NEGR1: variants seen among roughly 807,000 people sequenced by gnomAD.
NEGR1 encodes neuronal growth regulator 1, also known as IgLON family member 4.
In NEGR1, 10 loss-of-function variants were observed where a neutral mutation model predicts 40.9. The ratio of observed to expected loss-of-function variants is 0.24; its 90% CI spans 0.15 to 0.42. The LOEUF is 0.42. NEGR1 is among the 10% of genes least tolerant of loss of function. NEGR1 has a pLI of 1.00. For synonymous variants in NEGR1, 185 were observed against 166.8 expected, an observed-to-expected ratio of 1.11 and a Z score of -0.84; for missense variants, 352 against 438.9, an observed-to-expected ratio of 0.80 and a Z score of 1.77.
At chr1:71,567,725 G>A (rs931789369) in intron 6 of NEGR1, among the ~76,000 whole-genome samples, 7 of 152,036 alleles carry the variant, frequency 4.6e-5, no homozygotes, top group Admixed American at 6.6e-5. Flanking sequence ...TCCCCCCTCC[G>A]CCTCAAATTT....
intron 5 of NEGR1, among the ~76,000 whole-genome samples, chr1:71,593,739 C>A (rs1649584893): frequency 6.6e-6 from 1 of 152,130 alleles, no homozygotes; most frequent in South Asian, 2.1e-4. Context: ...GCATGTTGTA[C>A]CTACTTCTGC....
At chr1:71,838,993 T>A (rs1034488194) in intron 2 of NEGR1, among the ~76,000 whole-genome samples, 2 of 152,084 alleles carry the variant, frequency 1.3e-5, no homozygotes, top group Admixed American at 1.3e-4. Context: ...AACTTGAAGT[T>A]CTTATAGTAA....
chr1:72,272,081 T>C (rs1178150687), intron 1 of NEGR1, among the ~76,000 whole-genome samples: 2 of 151,894 alleles, frequency 1.3e-5, no homozygotes, highest in Non-Finnish European at 2.9e-5. Context: ...AATTTTTCAG[T>C]TATGTAATAA....
At chr1:72,084,565 G>T (rs1450271109) in intron 1 of NEGR1, among the ~76,000 whole-genome samples, 2 of 151,990 alleles carry the variant, frequency 1.3e-5, no homozygotes, top group Middle Eastern at 3.2e-3. Context: ...TTCCATGAGG[G>T]CTGGGATTTT....
intron 2 of NEGR1, among the ~76,000 whole-genome samples, chr1:71,795,119 G>A (rs748124442): frequency 6.6e-6 from 1 of 151,880 alleles, no homozygotes; most frequent in African/African-American, 2.4e-5. Context: ...ATCACACACT[G>A]CTGAAAACAA....
rs1272942325 is a variant in NEGR1, at chr1:71,396,886, A to C, written c.*10560T>G. 1 of 153,776 alleles carries C rather than the reference A, an allele frequency of 6.5e-6. No individual in the cohort carries two copies. Among genetic ancestry groups the C allele is most frequent in the South Asian group, 2.0e-4 (1 of 4,894 alleles). 9.5% of individuals were successfully genotyped at this position (153,776 alleles called of 1,614,324 possible). The stretch of plus-strand genomic sequence containing the variant: ...GTCTTTATCAGCAGTGTGAAAACTG[A>C]CTAATATAGTAAATTAGTATCAGGA... On this transcript the variant is annotated 3_prime_UTR_variant, in exon 7 of 7. Coordinates refer to ENST00000357731, the MANE Select transcript of NEGR1 (RefSeq NM_173808.3).
intron 1 of NEGR1, among the ~76,000 whole-genome samples, chr1:72,105,955 G>A (rs1649117665): frequency 6.6e-6 from 1 of 152,110 alleles, no homozygotes; most frequent in South Asian, 2.1e-4. Flanking sequence ...CATAAGAGAT[G>A]CCAGATGGCA....
At chr1:71,856,558 C>A (rs1472246590) in intron 2 of NEGR1, among the ~76,000 whole-genome samples, 1 of 151,984 alleles carries the variant, frequency 6.6e-6, no homozygotes, top group African/African-American at 2.4e-5. Context: ...AGGATTTTCA[C>A]CTAACAGCTC....
chr1:71,646,449 C>T (rs1358327793), intron 4 of NEGR1, among the ~76,000 whole-genome samples: 1 of 151,644 alleles, frequency 6.6e-6, no homozygotes, highest in Non-Finnish European at 1.5e-5. Flanking sequence ...CCAGAAATAT[C>T]AAGAAATTAA....
intron 6 of NEGR1, among the ~76,000 whole-genome samples, chr1:71,571,812 T>C (rs925685696): frequency 2.1e-4 from 29 of 138,914 alleles, no homozygotes; most frequent in Non-Finnish European, 1.3e-4. Context: ...AAAAAAAATC[T>C]GAAATTTGAG....
At chr1:72,052,283 G>C (rs1647069220) in intron 1 of NEGR1, among the ~76,000 whole-genome samples, 1 of 151,386 alleles carries the variant, frequency 6.6e-6, no homozygotes, top group South Asian at 2.1e-4. Flanking sequence ...CAGAACTCTT[G>C]ATTATTGCTT....
intron 6 of NEGR1, among the ~76,000 whole-genome samples, chr1:71,548,564 T>A (rs1471397284): frequency 2.0e-5 from 3 of 151,676 alleles, no homozygotes; most frequent in African/African-American, 7.3e-5. Flanking sequence ...CTTACATTCT[T>A]GGATATTCTT....
intron 3 of NEGR1, among the ~76,000 whole-genome samples, chr1:71,703,812 T>G (rs1653786055): frequency 6.6e-6 from 1 of 151,714 alleles, no homozygotes; most frequent in Non-Finnish European, 1.5e-5. Flanking sequence ...CGATGATATA[T>G]GGAATAATAA....
At chr1:71,539,007 G>A (rs1647599643) in intron 6 of NEGR1, among the ~76,000 whole-genome samples, 1 of 151,714 alleles carries the variant, frequency 6.6e-6, no homozygotes, top group Admixed American at 6.6e-5. Flanking sequence ...CATGGTTGTT[G>A]TTTAAAGGAT....
intron 1 of NEGR1, among the ~76,000 whole-genome samples, chr1:72,098,761 T>C (rs952775612): frequency 6.6e-6 from 1 of 152,176 alleles, no homozygotes; most frequent in Non-Finnish European, 1.5e-5. Context: ...AGGAAGTCTA[T>C]AGTTAATAAC....
intron 1 of NEGR1, among the ~76,000 whole-genome samples, chr1:72,128,588 T>C (rs1378195968): frequency 6.6e-6 from 1 of 152,146 alleles, no homozygotes; most frequent in Non-Finnish European, 1.5e-5. Flanking sequence ...GTTTGGAAAT[T>C]CTATGTATGT....
intron 2 of NEGR1, among the ~76,000 whole-genome samples, chr1:71,919,706 A>G (rs1645683908): frequency 6.6e-6 from 1 of 152,190 alleles, no homozygotes; most frequent in African/African-American, 2.4e-5. Context: ...CAATAAACAA[A>G]CAACAAGCAA....
intron 1 of NEGR1, among the ~76,000 whole-genome samples, chr1:72,013,971 A>T (rs1055514179): frequency 5.1e-5 from 7 of 137,362 alleles, no homozygotes; most frequent in South Asian, 2.3e-4. Flanking sequence ...AATAAAAAAA[A>T]AAAAAAAAAA....
At chr1:71,715,112 C>T (rs572710522) in intron 3 of NEGR1, among the ~76,000 whole-genome samples, 47 of 152,292 alleles carry the variant, frequency 3.1e-4, no homozygotes, top group African/African-American at 9.1e-4. Context: ...ATCTGTAGGC[C>T]CAACAGCACA....
Sources: gnomAD v4.1 joint callset for allele counts (sites outside exome capture counted in the v4.1 genomes callset) on GRCh38, gnomAD v4.1.1 for gene constraint, MANE v1.5 for transcripts, NCBI Gene and HGNC (gene_info 2026-07-23, HGNC 2026-07-21) for gene names.